Variants in ATP11A observed in about 807,000 individuals in gnomAD.
ATP11A encodes the protein phospholipid-transporting ATPase IH.
In ATP11A, 81 loss-of-function variants were observed where a neutral mutation model predicts 154.4. That is an observed-to-expected ratio of 0.52 (90% CI 0.44 to 0.63). ATP11A has a LOEUF of 0.63. Ranked by LOEUF, ATP11A falls within the 30% of genes least tolerant of loss-of-function variation. The pLI, the probability that ATP11A is intolerant of heterozygous loss-of-function variation, is 0.00. For missense variants in ATP11A, 1,316 were observed against 1,474.3 expected (o/e 0.89, Z 1.76); for synonymous variants, 623 against 585.9 (o/e 1.06, Z -0.91).
Position 112,696,709 on chromosome 13 carries a change from C to A in ATP11A, c.39+6254C>A, listed in dbSNP as rs1199946969. The A allele has an allele frequency of 6.6e-6, 1 of 152,324 alleles. No individual in the cohort carries two copies. Among genetic ancestry groups the A allele is most frequent in the Admixed American group, 6.5e-5 (1 of 15,280 alleles). The allele number at this position is 152,324 out of a possible 1,614,324, so 9.4% of individuals were successfully genotyped here. A position where few individuals can be genotyped will look rare whatever the true frequency, so the allele number is the denominator to read the frequency against. On this transcript the variant is annotated intron_variant, in intron 1 of 29. Coordinates refer to ENST00000375645, the MANE Select transcript of ATP11A (RefSeq NM_015205.3). The surrounding 1 kb of genome is among the most constrained non-coding windows in gnomAD (Gnocchi z 6.2). Reference sequence around the variant, plus strand: ...GGTTCCCTTACCAAGGTCTCCATCACCCCCAGGCCCACCTCCCTCGGGCCC... The same window carrying A: ...GGTTCCCTTACCAAGGTCTCCATCAACCCCAGGCCCACCTCCCTCGGGCCC...
At chr13:112,803,463 C>T (rs1242149686) in intron 2 of ATP11A, among the ~76,000 whole-genome samples, 8 of 152,172 alleles carry the variant, frequency 5.3e-5, no homozygotes, top group Non-Finnish European at 1.2e-4. Context: ...TGGCAGAGGC[C>T]GCAGCACAGG....
In ATP11A at chr13:112,886,158, A is replaced by G. The variant is rs2080978041; in HGVS notation, c.*4292A>G. On this transcript the variant is annotated 3_prime_UTR_variant, in exon 30 of 30. Transcript: ENST00000375645. ...AGCCTGTGTCTGAGCAGACAGGGCG[A>G]ACAAGCAGGCCACACCGTCTCGAGG... 6.6e-6 allele frequency: 1 copy of G among 152,272 alleles called. No individual in the cohort carries two copies. The highest frequency in any genetic ancestry group is 1.5e-5 in the Non-Finnish European group (1 of 68,042). 9.4% of individuals were successfully genotyped at this position (152,272 alleles called of 1,614,324 possible). A position where few individuals can be genotyped will look rare whatever the true frequency, so the allele number is the denominator to read the frequency against.
At chr13:112,745,539 A>C (rs1892035847) in intron 1 of ATP11A, 1 of 152,212 alleles carries the variant, frequency 6.6e-6, no homozygotes, top group Non-Finnish European at 1.5e-5. Context: ...AAGAGAATAA[A>C]AGGATGCACA....
chr13:112,727,326 C>T (rs1003485875), intron 1 of ATP11A, among the ~76,000 whole-genome samples: 3 of 152,230 alleles, frequency 2.0e-5, no homozygotes, highest in African/African-American at 7.2e-5. Flanking sequence ...GGATTAGAGG[C>T]GTGAGCCACT....
intron 1 of ATP11A, among the ~76,000 whole-genome samples, chr13:112,760,704 A>T (rs1206748943): frequency 2.0e-5 from 3 of 152,234 alleles, no homozygotes; most frequent in African/African-American, 4.8e-5. Flanking sequence ...ACACTGTATT[A>T]TGTAAATATA....
chr13:112,742,872 G>A (rs960409593), intron 1 of ATP11A, among the ~76,000 whole-genome samples: 35 of 152,310 alleles, frequency 2.3e-4, no homozygotes, highest in African/African-American at 7.9e-4. Context: ...ACTGTGTAGC[G>A]AGACTTTCTG....
chr13:112,833,159 A>C lies in ATP11A; in HGVS notation c.1559+136A>C, dbSNP rs2079143604. On this transcript the variant is annotated intron_variant, in intron 14 of 29. Coordinates refer to ENST00000375645, the MANE Select transcript of ATP11A (RefSeq NM_015205.3). Reference sequence around the variant, plus strand: ...CCACACTGAGCTGTGCTGCCTTTGCACCCAGCTTCTCTGGACCCCCGTCCC... The same window carrying C: ...CCACACTGAGCTGTGCTGCCTTTGCCCCCAGCTTCTCTGGACCCCCGTCCC... 2.6e-6 allele frequency: 3 copies of C among 1,134,766 alleles called. No individual in the cohort carries two copies. In the African/African-American group the frequency reaches 4.7e-5, roughly 18 times the overall value. The allele number at this position is 1,134,766 out of a possible 1,614,324, so 70.3% of individuals were successfully genotyped here.
intron 25 of ATP11A, among the ~76,000 whole-genome samples, chr13:112,863,421 T>TA (rs2080190621): frequency 1.4e-5 from 2 of 144,566 alleles, no homozygotes; most frequent in African/African-American, 5.1e-5. Context: ...AGTAATTCAG[T>TA]GCAGGCCCTG....
At chr13:112,709,899 G>T (rs534754452) in intron 1 of ATP11A, among the ~76,000 whole-genome samples, 1 of 152,394 alleles carries the variant, frequency 6.6e-6, no homozygotes, top group African/African-American at 2.4e-5. Flanking sequence ...AATAGGAGCT[G>T]CGCCCATGAG....
At position 112,856,033 on chromosome 13, in the gene ATP11A, G is replaced by A. The variant is rs374013344; in HGVS notation, c.2366G>A (p.Arg789Gln). The A allele has an allele frequency of 4.1e-5, 66 of 1,613,958 alleles. No individual in the cohort carries two copies. In the East Asian group the frequency reaches 8.7e-4, roughly 21 times the overall value. ...AGGGAGCTCTTCCTGGAAATCTGCC[G>A]GAGCTGCAGCGCGGTGCTCTGCTGC... ...NYRELFLEIC[R>Q]SCSAVLCCRM... The change falls in exon 20 of 30, where the codon CGG becomes CAG. Residue 789 changes from arginine (R) to glutamine (Q), a missense_variant. This residue lies in a region of ATP11A where 876 missense variants were observed against 1,006.8 expected (regional missense o/e 0.87). Transcript: ENST00000375645.
Position 112,859,577 on chromosome 13 carries a change from G to T in ATP11A, c.2727+125G>T. ...CTCCCCGGCACCACGAGGGAGCCAG[G>T]GTGCCCAGCAGCAGGCGGGGGTGAA... On this transcript the variant is annotated intron_variant, in intron 23 of 29. Transcript: ENST00000375645. The surrounding 1 kb of genome is among the most constrained non-coding windows in gnomAD (Gnocchi z 4.3). The T allele has an allele frequency of 1.2e-6, 1 of 851,880 alleles. No homozygotes were observed. Among genetic ancestry groups the T allele is most frequent in the Non-Finnish European group, 2.0e-6 (1 of 501,544 alleles). 52.8% of individuals were successfully genotyped at this position (851,880 alleles called of 1,614,324 possible).
chr13:112,828,218 T>TGTTGAGTGCGGGGGAAAGCGCCCAGCAGC (rs2078991582), intron 12 of ATP11A, among the ~76,000 whole-genome samples: 1 of 124,444 alleles, frequency 8.0e-6, no homozygotes, highest in Non-Finnish European at 1.6e-5. Context: ...CGCCCAGCAG[T>TGTTGAGTGCGGGGGAAAGCGCCCAGCAGC]GTTGAGTGCA....
chr13:112,863,174 G>A (rs28520843), intron 25 of ATP11A, among the ~76,000 whole-genome samples: 5,899 of 39,722 alleles, frequency 0.15, 65 homozygotes, highest in Admixed American at 0.19. Flanking sequence ...GCTTCCCAGC[G>A]GGGTCCATCA....
intron 1 of ATP11A, among the ~76,000 whole-genome samples, chr13:112,756,920 C>G (rs987901395): frequency 1.3e-5 from 2 of 152,224 alleles, no homozygotes; most frequent in Non-Finnish European, 2.9e-5. Flanking sequence ...CTGCTCCTAA[C>G]GCATCCACTA....
In ATP11A at chr13:112,723,977, T is replaced by C. The variant is rs114185981; in HGVS notation, c.39+33522T>C. 6.8e-3 allele frequency among the ~76,000 whole-genome samples: 1,027 copies of C among 152,140 alleles called. 13 individuals are homozygous for C. Among genetic ancestry groups the C allele is most frequent in the African/African-American group, 0.023 (949 of 41,492 alleles). ...ATACCACTTAATGTACATACAAGCC[T>C]GTCGTGTGGCGCAGTTGATCTCAAC... On this transcript the variant is annotated intron_variant, in intron 1 of 29. Transcript: ENST00000375645.
chr13:112,700,782 G>C (rs1372694163), intron 1 of ATP11A, among the ~76,000 whole-genome samples: 1 of 152,222 alleles, frequency 6.6e-6, no homozygotes, highest in African/African-American at 2.4e-5. Context: ...CCCGCCATGT[G>C]CCCCGTTCTG....
chr13:112,809,628 CTG>C (rs1221623632), intron 4 of ATP11A, among the ~76,000 whole-genome samples: 2 of 152,280 alleles, frequency 1.3e-5, no homozygotes. Context: ...TGTGGCAGAG[CTG>C]TGTTTCCAAT....
intron 4 of ATP11A, among the ~76,000 whole-genome samples, chr13:112,806,963 C>T (rs918604669): frequency 6.6e-6 from 1 of 152,216 alleles, no homozygotes; most frequent in East Asian, 1.9e-4. Flanking sequence ...CAGGCGTCAG[C>T]GCTTCATTCC....
rs1362812534 is a variant in ATP11A, at chr13:112,842,075, T to G, written c.1706-201T>G. 3.9e-5 allele frequency among the ~76,000 whole-genome samples: 6 copies of G among 152,258 alleles called. No individual in the cohort carries two copies. The East Asian group carries it at 9.6e-4, about 24-fold the overall frequency. On this transcript the variant is annotated intron_variant, in intron 16 of 29. Coordinates refer to ENST00000375645, the MANE Select transcript of ATP11A (RefSeq NM_015205.3). ...CCTCTCCTGTGGAATTTCTAGGGTG[T>G]AGGAATAAAACGAGGCTTTGGAGGT...
Sources: allele counts gnomAD v4.1 joint callset (sites outside exome capture counted in the v4.1 genomes callset), GRCh38; gene constraint gnomAD v4.1.1; regional missense constraint gnomAD v4.1.1; non-coding constraint Gnocchi (gnomAD v3.1); transcripts MANE v1.5; gene names NCBI Gene and HGNC (gene_info 2026-07-23, HGNC 2026-07-21).